Variants in PTPRM observed in about 807,000 individuals in gnomAD.
PTPRM encodes receptor-type tyrosine-protein phosphatase mu.
In PTPRM, 47 loss-of-function variants were observed where a neutral mutation model predicts 186.7. That is an observed-to-expected ratio of 0.25 (90% CI 0.20 to 0.32). The LOEUF is 0.32. Ranked by LOEUF, PTPRM falls within the 10% of genes least tolerant of loss-of-function variation. PTPRM has a pLI of 1.00. For missense variants in PTPRM, 1,494 were observed against 1,865.0 expected (o/e 0.80, Z 3.66); for synonymous variants, 668 against 674.9 (o/e 0.99, Z 0.16).
intron 1 of PTPRM, chr18:7,747,478 C>T (rs1168809562): frequency 6.6e-6 from 1 of 152,334 alleles, no homozygotes; most frequent in Non-Finnish European, 1.5e-5. Context: ...GTTCGGGAGA[C>T]TAGAAGTCCA....
intron 7 of PTPRM, among the ~76,000 whole-genome samples, chr18:7,990,215 T>C (rs2083190534): frequency 6.6e-6 from 1 of 152,136 alleles, no homozygotes; most frequent in Non-Finnish European, 1.5e-5. Flanking sequence ...ACTCCTGATA[T>C]TTTCTGAACA....
At chr18:8,044,934 TA>T (rs1383927049) in intron 7 of PTPRM, among the ~76,000 whole-genome samples, 1 of 152,162 alleles carries the variant, frequency 6.6e-6, no homozygotes, top group Non-Finnish European at 1.5e-5. Flanking sequence ...ACCCACTTCA[TA>T]AAACAGTCTG....
At position 7,955,429 on chromosome 18, in the gene PTPRM, C is replaced by A. The variant is rs2053242631; in HGVS notation, c.1132+15C>A. 1 of 1,597,430 alleles carries A rather than the reference C, an allele frequency of 6.3e-7. No individual in the cohort carries two copies. ...AAAGTGTGCTGGTGAGTATAAGGAACCCTGCAATTAATTGTCATTGTCTTT... is the reference window on the plus strand; with the variant it reads ...AAAGTGTGCTGGTGAGTATAAGGAAACCTGCAATTAATTGTCATTGTCTTT... On this transcript the variant is annotated intron_variant, in intron 7 of 32. Coordinates refer to ENST00000580170, the MANE Select transcript of PTPRM (RefSeq NM_001105244.2).
intron 14 of PTPRM, among the ~76,000 whole-genome samples, chr18:8,221,810 G>C (rs978717130): frequency 3.9e-5 from 6 of 152,198 alleles, no homozygotes; most frequent in African/African-American, 1.4e-4. Flanking sequence ...CCTGTGCATA[G>C]TGAACTGTAA....
At chr18:8,285,287 C>T (rs2094944211) in intron 19 of PTPRM, among the ~76,000 whole-genome samples, 1 of 152,188 alleles carries the variant, frequency 6.6e-6, no homozygotes, top group Admixed American at 6.5e-5. Flanking sequence ...TACCTGTGGT[C>T]ACACAGTTAG....
chr18:8,273,511 C>T (rs1198655779), intron 19 of PTPRM, among the ~76,000 whole-genome samples: 1 of 152,170 alleles, frequency 6.6e-6, no homozygotes, highest in East Asian at 1.9e-4. Context: ...TCTTTTGTCA[C>T]TGACCCAAAG....
intron 1 of PTPRM, among the ~76,000 whole-genome samples, chr18:7,635,208 A>G (rs1387381191): frequency 6.6e-6 from 1 of 152,226 alleles, no homozygotes; most frequent in Admixed American, 6.5e-5. Context: ...CCAGCAGTAT[A>G]GAAAAACAGA....
intron 19 of PTPRM, among the ~76,000 whole-genome samples, chr18:8,289,474 A>ATT (rs149546292): frequency 0.41 from 23,403 of 57,404 alleles, 3,639 homozygotes; most frequent in African/African-American, 0.59. Flanking sequence ...ATATACACAC[A>ATT]TATGTATATA....
At chr18:8,080,150 C>A (rs537403782) in intron 9 of PTPRM, among the ~76,000 whole-genome samples, 6 of 127,170 alleles carry the variant, frequency 4.7e-5, no homozygotes, top group South Asian at 2.8e-4. Context: ...TTGATGGGAA[C>A]ACACATTTTG....
Position 8,345,568 on chromosome 18 carries a change from G to T in PTPRM, c.3054+2048G>T, listed in dbSNP as rs181724719. Among the ~76,000 whole-genome samples, 4 of 151,902 alleles carry T rather than the reference G, an allele frequency of 2.6e-5. No individual in the cohort carries two copies. In the South Asian group the frequency reaches 6.2e-4, roughly 24 times the overall value. On this transcript the variant is annotated intron_variant, in intron 23 of 32. Transcript: ENST00000580170. ...ACTCGAATTCTGGTTAAAAATTGAC[G>T]CATGGAAATGTACCAGTGTATTTAT... is the stretch of plus-strand genomic sequence containing the variant.
chr18:7,831,412 C>T (rs1264035746), intron 2 of PTPRM, among the ~76,000 whole-genome samples: 1 of 151,958 alleles, frequency 6.6e-6, no homozygotes, highest in Non-Finnish European at 1.5e-5. Flanking sequence ...TTTATTCTAG[C>T]AAATCTTCTG....
At chr18:7,980,493 C>T (rs1234865314) in intron 7 of PTPRM, among the ~76,000 whole-genome samples, 1 of 152,070 alleles carries the variant, frequency 6.6e-6, no homozygotes, top group Non-Finnish European at 1.5e-5. Flanking sequence ...AAGTGATCCT[C>T]CCGCCTCAGC....
At chr18:8,352,559 A>C (rs2095539733) in intron 23 of PTPRM, among the ~76,000 whole-genome samples, 1 of 151,982 alleles carries the variant, frequency 6.6e-6, no homozygotes, top group South Asian at 2.1e-4. Flanking sequence ...TTTCTGAGTT[A>C]ATTCACTTAG....
At chr18:7,577,863 C>T (rs764712127) in intron 1 of PTPRM, among the ~76,000 whole-genome samples, 1 of 152,150 alleles carries the variant, frequency 6.6e-6, no homozygotes, top group Non-Finnish European at 1.5e-5. Flanking sequence ...CTCTGCTTTT[C>T]TTTCTAATCT....
At chr18:7,831,725 T>C (rs1401703896) in intron 2 of PTPRM, among the ~76,000 whole-genome samples, 1 of 152,208 alleles carries the variant, frequency 6.6e-6, no homozygotes, top group Non-Finnish European at 1.5e-5. Context: ...TCTGTTTTTT[T>C]GGTATCCATT....
At chr18:8,188,555 T>C (rs113790487) in intron 14 of PTPRM, among the ~76,000 whole-genome samples, 4,359 of 152,294 alleles carry the variant, frequency 0.029, 75 homozygotes, top group Non-Finnish European at 0.044. Flanking sequence ...TCAGACCTAT[T>C]GCCTGTGCCC....
intron 1 of PTPRM, among the ~76,000 whole-genome samples, chr18:7,652,759 G>C (rs1164016159): frequency 3.3e-5 from 4 of 121,934 alleles, no homozygotes; most frequent in Admixed American, 1.9e-4. Flanking sequence ...GTTGTGGGGT[G>C]GGGGGAGGGG....
intron 15 of PTPRM, among the ~76,000 whole-genome samples, chr18:8,246,835 G>A (rs772157533): frequency 1.3e-5 from 2 of 152,124 alleles, no homozygotes; most frequent in Non-Finnish European, 2.9e-5. Flanking sequence ...TCTCCTAAAC[G>A]GACTGCTCCT....
chr18:7,911,075 A>G (rs546206228), intron 4 of PTPRM, among the ~76,000 whole-genome samples: 29 of 152,292 alleles, frequency 1.9e-4, no homozygotes, highest in African/African-American at 7.0e-4. Flanking sequence ...GCGTGTTTCA[A>G]AGTTCATCCA....
Sources: gnomAD v4.1 joint callset for allele counts (sites outside exome capture counted in the v4.1 genomes callset) on GRCh38, gnomAD v4.1.1 for gene constraint, MANE v1.5 for transcripts, NCBI Gene and HGNC (gene_info 2026-07-23, HGNC 2026-07-21) for gene names.